Variants in CLCN1 observed in about 807,000 individuals in gnomAD.
The protein encoded by CLCN1 is chloride channel protein 1.
CLCN1 carries 100 observed loss-of-function variants against 114.5 expected under a neutral mutation model. The observed-to-expected ratio is 0.87, with a 90% CI of 0.74 to 1.03. The LOEUF (loss-of-function observed/expected upper bound fraction) is 1.03, where lower values mean the gene tolerates loss of function less well. Among genes scored for constraint, CLCN1 ranks in the 50% least tolerant of loss-of-function variants. CLCN1 has a pLI of 0.00. For missense variants in CLCN1, 1,188 were observed against 1,250.0 expected (o/e 0.95, Z 0.75); for synonymous variants, 485 against 487.1 (o/e 1.00, Z 0.06).
At chr7:143,347,512 T>G (rs990161944) in intron 20 of CLCN1, among the ~76,000 whole-genome samples, 1 of 150,964 alleles carries the variant, frequency 6.6e-6, no homozygotes, top group African/African-American at 2.4e-5. Flanking sequence ...TCCCAGATAT[T>G]TGGGAGGCTG....
rs1802450250 is a variant in CLCN1 at position 143,321,904 on chromosome 7, G to C, written c.696+56G>C. On this transcript the variant is annotated intron_variant, in intron 5 of 22. Transcript: ENST00000343257. This position sits in a 1 kb window ranked among gnomAD's most constrained non-coding sequence, Gnocchi z 4.2. Reference sequence around the variant, plus strand: ...GGAGGGGCCCTCAGGAGCCAGGGTGGCACCAACTCTAGAGGGAGCTCTGGG... The same window carrying C: ...GGAGGGGCCCTCAGGAGCCAGGGTGCCACCAACTCTAGAGGGAGCTCTGGG... The C allele has an allele frequency of 6.3e-7, 1 of 1,592,228 alleles. No homozygotes were observed. The highest frequency in any genetic ancestry group is 8.6e-7 in the Non-Finnish European group (1 of 1,168,092).
intron 12 of CLCN1, among the ~76,000 whole-genome samples, chr7:143,336,847 A>C (rs901966227): frequency 1.3e-5 from 2 of 152,128 alleles, no homozygotes; most frequent in East Asian, 1.9e-4. Context: ...CATATCTTGG[A>C]GGATAATCTA....
At chr7:143,323,520 C>G in intron 6 of CLCN1, 134 bp downstream of exon 6, 1 of 743,996 alleles carries the variant, frequency 1.3e-6, no homozygotes, top group Non-Finnish European at 2.5e-6. Flanking sequence ...AATCCACGCT[C>G]CCTTCCTCGT....
chr7:143,332,351 C>A, intron 10 of CLCN1, 68 bp from the exon 11 acceptor site: 1 of 1,160,670 alleles, frequency 8.6e-7, no homozygotes, highest in Non-Finnish European at 1.3e-6. Flanking sequence ...CTTCAGCTTG[C>A]CATCGTTCAG....
chr7:143,339,704 T>C lies in CLCN1; in HGVS notation c.1582+83T>C. ...TTAAACTCTCCCATTGGATCTTCAT[T>C]CTAGGCTACACAATACGGTTTTAAT... On this transcript the variant is annotated intron_variant, in intron 14 of 22. Transcript: ENST00000343257. This position sits in a 1 kb window ranked among gnomAD's most constrained non-coding sequence, Gnocchi z 4.1. 1.1e-6 allele frequency: 1 copy of C among 877,350 alleles called. No individual in the cohort carries two copies. Among genetic ancestry groups the C allele is most frequent in the Non-Finnish European group, 1.9e-6 (1 of 514,786 alleles). 54.3% of individuals were successfully genotyped at this position (877,350 alleles called of 1,614,324 possible). A position where few individuals can be genotyped will look rare whatever the true frequency, so the allele number is the denominator to read the frequency against.
intron 7 of CLCN1, among the ~76,000 whole-genome samples, chr7:143,328,625 G>A (rs1460049887): frequency 1.3e-5 from 2 of 152,124 alleles, no homozygotes; most frequent in African/African-American, 4.8e-5. Flanking sequence ...TTACACCCAG[G>A]CAAATCAAAG....
intron 20 of CLCN1, among the ~76,000 whole-genome samples, chr7:143,349,089 C>T (rs17164250): frequency 0.19 from 29,334 of 152,122 alleles, 2,894 homozygotes; most frequent in Non-Finnish European, 0.21. Context: ...AATGTTGCCG[C>T]GTTATTGTTA....
At chr7:143,330,121 G>A (rs929831017) in intron 7 of CLCN1, among the ~76,000 whole-genome samples, 6 of 151,992 alleles carry the variant, frequency 3.9e-5, no homozygotes, top group South Asian at 2.1e-4. Flanking sequence ...TTCCCCTTGC[G>A]TTGGTCCTTT....
chr7:143,337,858 G>A (rs55686758), intron 12 of CLCN1, among the ~76,000 whole-genome samples: 3 of 83,574 alleles, frequency 3.6e-5, no homozygotes, highest in East Asian at 4.2e-4. Context: ...ACAGAGTCTC[G>A]CTCTGTCGCC....
chr7:143,332,673 AG>A, intron 11 of CLCN1, 50 bp from the exon 12 acceptor site: 2 of 1,609,228 alleles, frequency 1.2e-6, no homozygotes, highest in Non-Finnish European at 1.7e-6. Flanking sequence ...TAAAAAAGGA[AG>A]CACAGGAGTT....
Position 143,350,580 on chromosome 7 carries a change from T to G in CLCN1, c.2521T>G (p.Phe841Val), listed in dbSNP as rs1312274433. Residue 841 changes from phenylalanine to valine, a missense_variant, in exon 22 of 23, where the codon TTT (phenylalanine) becomes GTT (valine). Coordinates refer to ENST00000343257, the MANE Select transcript of CLCN1 (RefSeq NM_000083.3). The surrounding 1 kb of genome is among the most constrained non-coding windows in gnomAD (Gnocchi z 5.1). ...QTTLHKTHTL[F>V]SLLGLHLAYV... ...TCTTCATCCTCAGACTCATACCCTG[T>G]TTTCACTCCTTGGCCTCCACCTCGC... 1 of 1,614,002 alleles carries G rather than the reference T, an allele frequency of 6.2e-7. No homozygotes were observed. The highest frequency in any genetic ancestry group is 1.1e-5 in the South Asian group (1 of 91,070).
rs756490905 is a variant in CLCN1 at position 143,339,579 on chromosome 7, G to T, written c.1540G>T (p.Asp514Tyr). The change falls in exon 14 of 23, where the codon GAC becomes TAC. Residue 514 changes from aspartate (D) to tyrosine (Y), a missense_variant. Asp to Tyr is a radical substitution (Grantham distance 160). Transcript: ENST00000343257. The surrounding 1 kb of genome is among the most constrained non-coding windows in gnomAD (Gnocchi z 4.1). The part of the protein sequence containing the change: ...MLFPDGILFD[D>Y]IIYKILPGGY... ...CTTTCCTGATGGTATTTTGTTTGAT[G>T]ACATCATCTACAAGATCCTACCTGG... The T allele has an allele frequency of 1.9e-6, 3 of 1,613,582 alleles. No homozygotes were observed. The highest frequency in any genetic ancestry group is 2.5e-6 in the Non-Finnish European group (3 of 1,179,612).
In CLCN1 at chr7:143,339,213, C is replaced by CAGAGTTGAA. The variant is rs1397677196; in HGVS notation, c.1402-37_1402-29dup. 1 of 1,300,276 alleles carries CAGAGTTGAA rather than the reference C, an allele frequency of 7.7e-7. No homozygotes were observed. The highest frequency in any genetic ancestry group is 2.3e-5 in the East Asian group (1 of 43,546). 80.5% of individuals were successfully genotyped at this position (1,300,276 alleles called of 1,614,324 possible). ...GAATTGTGTGTGCATGTCTATTGGG[C>CAGAGTTGAA]AGAGTTGAAAGGGTATTCCAACGCT... On this transcript the variant is annotated intron_variant, in intron 12 of 22. Transcript: ENST00000343257. This position sits in a 1 kb window ranked among gnomAD's most constrained non-coding sequence, Gnocchi z 4.1.
Position 143,339,677 on chromosome 7 carries a change from A to G in CLCN1, c.1582+56A>G, listed in dbSNP as rs149997661. ...AACATTGAGTACTTCAGATCCCCAC[A>G]CTTAAACTCTCCCATTGGATCTTCA... On this transcript the variant is annotated intron_variant, in intron 14 of 22. Transcript: ENST00000343257. This position sits in a 1 kb window ranked among gnomAD's most constrained non-coding sequence, Gnocchi z 4.1. 630 of 1,048,152 alleles carry G rather than the reference A, an allele frequency of 6.0e-4. 3 individuals are homozygous for G. In the African/African-American group the frequency reaches 8.2e-3, roughly 14 times the overall value. The allele number at this position is 1,048,152 out of a possible 1,614,324, so 64.9% of individuals were successfully genotyped here.
intron 20 of CLCN1, among the ~76,000 whole-genome samples, chr7:143,347,277 G>A (rs1463883868): frequency 6.6e-6 from 1 of 152,108 alleles, no homozygotes; most frequent in Non-Finnish European, 1.5e-5. Flanking sequence ...GAGGTAAAAT[G>A]GCACCAGGAG....
chr7:143,330,204 A>G (rs1157573234), intron 7 of CLCN1, among the ~76,000 whole-genome samples: 1 of 152,066 alleles, frequency 6.6e-6, no homozygotes, highest in Non-Finnish European at 1.5e-5. Context: ...TTCTTGAACT[A>G]TCGAGGATGG....
At chr7:143,346,304 T>C (rs779917949) in intron 18 of CLCN1, 53 bp downstream of exon 18, 3 of 1,257,026 alleles carry the variant, frequency 2.4e-6, no homozygotes, top group Non-Finnish European at 3.5e-6. Context: ...TTCTCTCTGG[T>C]CACTAGGACC....
chr7:143,320,015 G>C (rs1315524744), intron 2 of CLCN1, 140 bp downstream of exon 2: 1 of 862,736 alleles, frequency 1.2e-6, no homozygotes, highest in Non-Finnish European at 1.9e-6. Flanking sequence ...AAGAGACAGG[G>C]TCTCACTCTG....
rs1803371836 is a variant in CLCN1 at position 143,350,698 on chromosome 7, G to C, written c.2595+44G>C. The C allele has an allele frequency of 6.8e-7, 1 of 1,461,746 alleles. No homozygotes were observed. The highest frequency in any genetic ancestry group is 1.7e-5 in the Admixed American group (1 of 59,798). 90.5% of individuals were successfully genotyped at this position (1,461,746 alleles called of 1,614,324 possible). On this transcript the variant is annotated intron_variant, in intron 22 of 22. Coordinates refer to ENST00000343257, the MANE Select transcript of CLCN1 (RefSeq NM_000083.3). The surrounding 1 kb of genome is among the most constrained non-coding windows in gnomAD (Gnocchi z 5.1). ...ATTTGAGCAGCAGGAGGGAGGCTGGGCATAGGATAAGGGGATGCAGTGGGG... is the reference window on the plus strand; with the variant it reads ...ATTTGAGCAGCAGGAGGGAGGCTGGCCATAGGATAAGGGGATGCAGTGGGG...
Sources: allele counts gnomAD v4.1 joint callset (sites outside exome capture counted in the v4.1 genomes callset), GRCh38; gene constraint gnomAD v4.1.1; non-coding constraint Gnocchi (gnomAD v3.1); transcripts MANE v1.5; gene names NCBI Gene and HGNC (gene_info 2026-07-23, HGNC 2026-07-21).